Variants in FTCDNL1 observed in about 807,000 individuals in gnomAD.
FTCDNL1 encodes the protein formiminotransferase cyclodeaminase N-terminal like, also known as formiminotransferase N-terminal subdomain-containing protein.
A neutral mutation model predicts 5.9 loss-of-function variants in FTCDNL1; 11 were observed. The ratio of observed to expected loss-of-function variants is 1.87; its 90% CI spans 1.18 to 3.10. The LOEUF (loss-of-function observed/expected upper bound fraction) is 3.10, where lower values mean the gene tolerates loss of function less well. Ranked by LOEUF, FTCDNL1 falls within the 30% of genes most tolerant of loss-of-function variation. The pLI is 0.00. For synonymous variants in FTCDNL1, 58 were observed against 24.8 expected (o/e 2.34, Z -3.99); for missense variants, 115 against 65.5 (o/e 1.76, Z -2.61).
chr2:199,800,267 T>C (rs879622813), intron 3 of FTCDNL1, among the ~76,000 whole-genome samples: 7 of 152,180 alleles, frequency 4.6e-5, no homozygotes, highest in Non-Finnish European at 5.9e-5. Context: ...ACAAGATATA[T>C]GACCTCAAGG....
At chr2:199,735,315 G>A in the FTCDNL1 span, among the ~76,000 whole-genome samples, 1 of 152,158 alleles carries the variant, frequency 6.6e-6, no homozygotes, top group Non-Finnish European at 1.5e-5. Flanking sequence ...AACTCTTTCC[G>A]TGCCACATCA....
chr2:199,769,133 T>C (rs1698680884), intron 3 of FTCDNL1, among the ~76,000 whole-genome samples: 1 of 152,184 alleles, frequency 6.6e-6, no homozygotes, highest in Non-Finnish European at 1.5e-5. Context: ...TCACATCTCC[T>C]GCTCTGCTGA....
At chr2:199,711,112 A>G in the FTCDNL1 span, among the ~76,000 whole-genome samples, 1 of 152,162 alleles carries the variant, frequency 6.6e-6, no homozygotes, top group African/African-American at 2.4e-5. Context: ...AGGCTTCAAT[A>G]GGGTGCAGCC....
chr2:199,816,249 G>A (rs990898842), intron 4 of FTCDNL1, among the ~76,000 whole-genome samples: 5 of 152,138 alleles, frequency 3.3e-5, no homozygotes, highest in African/African-American at 1.2e-4. Context: ...CAAACAGACT[G>A]CCCAAACTTG....
At chr2:199,751,652 C>G in the FTCDNL1 span, among the ~76,000 whole-genome samples, 1 of 152,094 alleles carries the variant, frequency 6.6e-6, no homozygotes, top group Non-Finnish European at 1.5e-5. Flanking sequence ...CCCCTTCTCT[C>G]TGCCCGACTG....
chr2:199,851,112 GCCCA>G lies in FTCDNL1; in HGVS notation c.-384_-381del, dbSNP rs1282796382. On this transcript the variant is annotated 5_prime_UTR_variant, in exon 1 of 5. Transcript: ENST00000420128. ...GGCGGTGGGGCAGGGCGACCGCCCAGCCCAAGTCGCCGCCGCGCGTGGCCCGCGC... is the reference window on the plus strand; with the variant it reads ...GGCGGTGGGGCAGGGCGACCGCCCAGAGTCGCCGCCGCGCGTGGCCCGCGC... 4 of 148,764 alleles carry G rather than the reference GCCCA, an allele frequency of 2.7e-5. No individual in the cohort carries two copies. Among genetic ancestry groups the G allele is most frequent in the Admixed American group, 6.7e-5 (1 of 14,944 alleles). 9.2% of individuals were successfully genotyped at this position (148,764 alleles called of 1,614,324 possible).
At chr2:199,676,187 C>T in the FTCDNL1 span, among the ~76,000 whole-genome samples, 1 of 152,134 alleles carries the variant, frequency 6.6e-6, no homozygotes, top group African/African-American at 2.4e-5. Context: ...ATGGGTTCTG[C>T]TACTAAGGAG....
At chr2:199,696,946 A>G in the FTCDNL1 span, among the ~76,000 whole-genome samples, 1 of 152,350 alleles carries the variant, frequency 6.6e-6, no homozygotes, top group South Asian at 2.1e-4. Context: ...CAAAATAGCC[A>G]TTTGAAGAAA....
intron 3 of FTCDNL1, among the ~76,000 whole-genome samples, chr2:199,845,652 A>G (rs1394679515): frequency 1.3e-5 from 2 of 152,218 alleles, no homozygotes; most frequent in East Asian, 3.9e-4. Context: ...TCCCTATAAG[A>G]CATGTCAACT....
the FTCDNL1 span, among the ~76,000 whole-genome samples, chr2:199,748,321 C>T: frequency 6.6e-6 from 1 of 152,208 alleles, no homozygotes; most frequent in South Asian, 2.1e-4. Flanking sequence ...TTAAACAAAG[C>T]TACTGATTTT....
At chr2:199,808,352 C>T (rs2106436037), downstream of FTCDNL1, among the ~76,000 whole-genome samples, 2 of 152,208 alleles carry the variant, frequency 1.3e-5, no homozygotes, top group South Asian at 4.2e-4. Flanking sequence ...TTTTTCTTAA[C>T]TTTTGTGGGA....
At chr2:199,671,036 TG>T in the FTCDNL1 span, among the ~76,000 whole-genome samples, 3 of 152,018 alleles carry the variant, frequency 2.0e-5, no homozygotes, top group Non-Finnish European at 4.4e-5. Context: ...AGAAGGTCAG[TG>T]GAAAACCCTG....
At chr2:199,674,370 GCA>G in the FTCDNL1 span, among the ~76,000 whole-genome samples, 10 of 152,240 alleles carry the variant, frequency 6.6e-5, no homozygotes, top group African/African-American at 2.2e-4. Context: ...GATCAGTGCT[GCA>G]GAAATCACAG....
chr2:199,805,740 AAAAATAAAAT>A (rs776611454), downstream of FTCDNL1, among the ~76,000 whole-genome samples: 1 of 152,022 alleles, frequency 6.6e-6, no homozygotes, highest in Admixed American at 6.5e-5. Flanking sequence ...CTCTGTCTCA[AAAAATAAAAT>A]AAAATAAAAT....
intron 3 of FTCDNL1, among the ~76,000 whole-genome samples, chr2:199,827,504 A>AT (rs1390598849): frequency 6.6e-6 from 1 of 152,148 alleles, no homozygotes; most frequent in African/African-American, 2.4e-5. Flanking sequence ...GTTGGGTGTG[A>AT]TGGTGGCATT....
At chr2:199,736,791 C>T in the FTCDNL1 span, among the ~76,000 whole-genome samples, 1 of 152,208 alleles carries the variant, frequency 6.6e-6, no homozygotes, top group African/African-American at 2.4e-5. Context: ...ACGCAGCTAC[C>T]CATACACTGA....
chr2:199,796,221 T>C (rs924717132), intron 3 of FTCDNL1, among the ~76,000 whole-genome samples: 1 of 152,228 alleles, frequency 6.6e-6, no homozygotes, highest in Non-Finnish European at 1.5e-5. Context: ...TGTGCAAGTT[T>C]ATCACGGTGA....
the FTCDNL1 span, among the ~76,000 whole-genome samples, chr2:199,715,872 G>A: frequency 2.0e-5 from 3 of 152,026 alleles, no homozygotes; most frequent in Admixed American, 1.3e-4. Flanking sequence ...CCCTAGAGCA[G>A]CAGATTAATC....
At chr2:199,801,726 G>A (rs1001806327) in intron 3 of FTCDNL1, among the ~76,000 whole-genome samples, 4 of 151,850 alleles carry the variant, frequency 2.6e-5, no homozygotes, top group Admixed American at 6.6e-5. Context: ...TGAGGCAGGC[G>A]GATCACAAGG....
Sources: allele counts gnomAD v4.1 joint callset (sites outside exome capture counted in the v4.1 genomes callset), GRCh38; gene constraint gnomAD v4.1.1; transcripts MANE v1.5; gene names NCBI Gene and HGNC (gene_info 2026-07-23, HGNC 2026-07-21).